The following MMP16 variants were observed in gnomAD, a reference collection of about 807,000 sequenced individuals.
The protein encoded by MMP16 is matrix metalloproteinase-16.
MMP16 carries 12 observed loss-of-function variants against 67.8 expected under a neutral mutation model. That is an observed-to-expected ratio of 0.18 (90% CI 0.11 to 0.29). The LOEUF (loss-of-function observed/expected upper bound fraction) is 0.29, where lower values mean the gene tolerates loss of function less well. Ranked by LOEUF, MMP16 falls within the 10% of genes least tolerant of loss-of-function variation. The pLI is 1.00. For missense variants in MMP16, 475 were observed against 765.7 expected, an observed-to-expected ratio of 0.62 and a Z score of 4.48; for synonymous variants, 249 against 255.9, an observed-to-expected ratio of 0.97 and a Z score of 0.26.
Position 88,109,686 on chromosome 8 carries a change from C to T in MMP16, c.1083+6821G>A, listed in dbSNP as rs71526921. Among the ~76,000 whole-genome samples, 892 of 151,168 alleles carry T rather than the reference C, an allele frequency of 5.9e-3. 1 individual carries two copies. Among genetic ancestry groups the T allele is most frequent in the Non-Finnish European group, 8.7e-3 (586 of 67,370 alleles). On this transcript the variant is annotated intron_variant, in intron 6 of 9. Transcript: ENST00000286614. The stretch of plus-strand genomic sequence containing the variant: ...TCCATGTGCACTATACATCTTGAAA[C>T]GAAACTTTGCTTATTTATCTTGAAT...
At chr8:88,324,499 A>T (rs1436239263) in intron 1 of MMP16, among the ~76,000 whole-genome samples, 1 of 152,194 alleles carries the variant, frequency 6.6e-6, no homozygotes, top group Non-Finnish European at 1.5e-5. Context: ...CTTAGTTGTC[A>T]GCATAAAAAG....
In MMP16 at chr8:88,033,165, C is replaced by T. The variant is rs1808007666; in HGVS notation, c.*8296G>A. On this transcript the variant is annotated 3_prime_UTR_variant, in exon 10 of 10. Coordinates refer to ENST00000286614, the MANE Select transcript of MMP16 (RefSeq NM_005941.5). ...TGTGTATTGTTTACCCAAGAGACAA[C>T]TTCCCTTTGCAATTACTTGAATCTC... 1 of 151,912 alleles carries T rather than the reference C, an allele frequency of 6.6e-6. No individual in the cohort carries two copies. Among genetic ancestry groups the T allele is most frequent in the Non-Finnish European group, 1.5e-5 (1 of 67,924 alleles). The allele number at this position is 151,912 out of a possible 1,614,324, so 9.4% of individuals were successfully genotyped here. A position where few individuals can be genotyped will look rare whatever the true frequency, so the allele number is the denominator to read the frequency against.
At chr8:88,104,294 T>A (rs766220791) in intron 6 of MMP16, among the ~76,000 whole-genome samples, 1 of 151,778 alleles carries the variant, frequency 6.6e-6, no homozygotes, top group Non-Finnish European at 1.5e-5. Flanking sequence ...TATTTTAATA[T>A]TTTGTTTATA....
At chr8:88,146,266 T>A (rs1439842659) in intron 4 of MMP16, among the ~76,000 whole-genome samples, 1 of 151,994 alleles carries the variant, frequency 6.6e-6, no homozygotes, top group African/African-American at 2.4e-5. Flanking sequence ...CAGCAAAATA[T>A]ACCTTATATG....
chr8:88,264,742 G>T (rs1810447699), intron 1 of MMP16, among the ~76,000 whole-genome samples: 1 of 152,166 alleles, frequency 6.6e-6, no homozygotes, highest in African/African-American at 2.4e-5. Flanking sequence ...GATTGCCATG[G>T]CACTGACCAG....
intron 1 of MMP16, among the ~76,000 whole-genome samples, chr8:88,245,034 A>C (rs768534682): frequency 1.4e-4 from 22 of 151,964 alleles, no homozygotes; most frequent in Admixed American, 2.6e-4. Context: ...GACTGATGTA[A>C]ATTCACGTTG....
chr8:88,219,841 T>A (rs1809650452), intron 1 of MMP16, among the ~76,000 whole-genome samples: 1 of 152,168 alleles, frequency 6.6e-6, no homozygotes. Context: ...TTTGAATTTT[T>A]GAGTTGAATT....
chr8:88,264,319 C>T (rs1810440774), intron 1 of MMP16, among the ~76,000 whole-genome samples: 1 of 152,110 alleles, frequency 6.6e-6, no homozygotes, highest in Non-Finnish European at 1.5e-5. Flanking sequence ...TCTGCCTCAG[C>T]CTCCCAAGTA....
chr8:88,111,551 G>A (rs1015785527), intron 6 of MMP16, among the ~76,000 whole-genome samples: 3 of 151,694 alleles, frequency 2.0e-5, no homozygotes, highest in African/African-American at 7.3e-5. Context: ...TAAGATCAGA[G>A]AGGTATGGGG....
At chr8:88,125,024 G>T (rs1285888352) in intron 4 of MMP16, among the ~76,000 whole-genome samples, 1 of 151,846 alleles carries the variant, frequency 6.6e-6, no homozygotes, top group Admixed American at 6.6e-5. Flanking sequence ...AATACTATCA[G>T]ATTGGAGGGT....
At chr8:88,047,806 T>C (rs1808218121) in intron 8 of MMP16, among the ~76,000 whole-genome samples, 1 of 152,166 alleles carries the variant, frequency 6.6e-6, no homozygotes. Context: ...TGGCTAAGTG[T>C]TGAAAAGAAT....
intron 1 of MMP16, among the ~76,000 whole-genome samples, chr8:88,199,959 G>C (rs972767562): frequency 5.9e-5 from 9 of 151,876 alleles, no homozygotes; most frequent in Admixed American, 2.0e-4. Context: ...GTGTGCACTT[G>C]GATGAATGAT....
intron 6 of MMP16, among the ~76,000 whole-genome samples, chr8:88,083,726 T>C (rs371193481): frequency 1.1e-4 from 16 of 152,066 alleles, no homozygotes; most frequent in African/African-American, 3.9e-4. Context: ...AGTTAGCTTT[T>C]TAGAGAAGAA....
chr8:88,074,679 T>G lies in MMP16; in HGVS notation c.1148A>C (p.Tyr383Ser). 1 of 1,613,726 alleles carries G rather than the reference T, an allele frequency of 6.2e-7. No homozygotes were observed. The highest frequency in any genetic ancestry group is 1.1e-5 in the South Asian group (1 of 91,076). Reference protein sequence around the residue: ...VMDGYPMQITYFWRGLPPSID... With the variant: ...VMDGYPMQITSFWRGLPPSID... ...ACTAGGAGGCAAGCCCCGCCAGAAG[T>G]AAGTAATTTGCATTGGGTATCCATC... is the stretch of plus-strand genomic sequence containing the variant. Residue 383 changes from tyrosine (Y) to serine (S), a missense_variant, in exon 7 of 10, where the codon TAC (tyrosine) becomes TCC (serine). Tyr to Ser is a moderately radical substitution (Grantham distance 144). Around this residue, in one of 5 missense-constraint regions of MMP16, gnomAD observed 195 missense variants for 300.9 expected, o/e 0.65. Transcript: ENST00000286614.
intron 6 of MMP16, among the ~76,000 whole-genome samples, chr8:88,094,987 T>G (rs1174813901): frequency 6.6e-6 from 1 of 151,836 alleles, no homozygotes; most frequent in African/African-American, 2.4e-5. Flanking sequence ...CACAGTAGTT[T>G]CCATATTATT....
chr8:88,141,309 A>G (rs1259890048), intron 4 of MMP16, among the ~76,000 whole-genome samples: 1 of 152,232 alleles, frequency 6.6e-6, no homozygotes. Context: ...AACACATACA[A>G]TGGAGTAATA....
intron 1 of MMP16, among the ~76,000 whole-genome samples, chr8:88,253,744 A>T (rs895921727): frequency 4.6e-5 from 7 of 152,082 alleles, no homozygotes; most frequent in Admixed American, 4.6e-4. Flanking sequence ...GTTCTTCAGG[A>T]TTCAATTCAG....
At chr8:88,275,556 T>C (rs1452127455) in intron 1 of MMP16, among the ~76,000 whole-genome samples, 1 of 151,960 alleles carries the variant, frequency 6.6e-6, no homozygotes, top group African/African-American at 2.4e-5. Context: ...GGCCTGTTAT[T>C]AATATTCATA....
At chr8:88,272,186 A>G (rs1452742456) in intron 1 of MMP16, among the ~76,000 whole-genome samples, 1 of 152,178 alleles carries the variant, frequency 6.6e-6, no homozygotes, top group African/African-American at 2.4e-5. Flanking sequence ...TTATTTATCA[A>G]TCATTTTTAT....
Sources: gnomAD v4.1 joint callset for allele counts (sites outside exome capture counted in the v4.1 genomes callset) on GRCh38, gnomAD v4.1.1 for gene constraint, gnomAD v4.1.1 regional missense constraint, MANE v1.5 for transcripts, NCBI Gene and HGNC (gene_info 2026-07-23, HGNC 2026-07-21) for gene names.